BBS2: variants seen among roughly 807,000 people sequenced by gnomAD.
The protein encoded by BBS2 is BBSome complex member BBS2.
In BBS2, 62 loss-of-function variants were observed where a neutral mutation model predicts 83.0. The ratio of observed to expected loss-of-function variants is 0.75; its 90% confidence interval spans 0.61 to 0.92. The LOEUF (loss-of-function observed/expected upper bound fraction) is 0.92, where lower values mean the gene tolerates loss of function less well. Among genes scored for constraint, BBS2 ranks in the 40% least tolerant of loss-of-function variants. The pLI is 0.00. For missense variants in BBS2, 784 were observed against 901.0 expected, an observed-to-expected ratio of 0.87 and a Z score of 1.66; for synonymous variants, 303 against 326.1, an observed-to-expected ratio of 0.93 and a Z score of 0.76.
At chr16:56,479,088 G>A (rs1963594866) in intron 17 of BBS2, 1 of 152,186 alleles carries the variant, frequency 6.6e-6, no homozygotes, top group African/African-American at 2.4e-5. Flanking sequence ...TAAAAGCTAT[G>A]ATGTTCACCT....
intron 15 of BBS2, among the ~76,000 whole-genome samples, chr16:56,493,912 G>C (rs1199182335): frequency 7.2e-5 from 11 of 152,116 alleles, no homozygotes; most frequent in African/African-American, 2.7e-4. Context: ...TTGTGTCTGT[G>C]CTGTAAAATG....
chr16:56,470,944 G>A (rs1963142567), intron 17 of BBS2, among the ~76,000 whole-genome samples: 1 of 152,130 alleles, frequency 6.6e-6, no homozygotes, highest in Non-Finnish European at 1.5e-5. Context: ...TGGTCTTTGG[G>A]AGCTTACATT....
At chr16:56,517,547 C>T (rs1413091374) in intron 1 of BBS2, among the ~76,000 whole-genome samples, 1 of 152,228 alleles carries the variant, frequency 6.6e-6, no homozygotes, top group African/African-American at 2.4e-5. Context: ...AAGCTCCCAT[C>T]ACACTGAATC....
Position 56,519,729 on chromosome 16 carries a change from C to T in BBS2, c.117+17G>A, listed in dbSNP as rs201119943. ...GGTTCCCTGGGGCCCGGGCTCCCTG[C>T]GGGTGGGAGCGGTTACCTTGCCCGT... is the stretch of plus-strand genomic sequence containing the variant. On this transcript the variant is annotated intron_variant, in intron 1 of 16. Transcript: ENST00000245157. 2 of 1,599,142 alleles carry T rather than the reference C, an allele frequency of 1.3e-6. No homozygotes were observed. Among genetic ancestry groups the T allele is most frequent in the African/African-American group, 1.3e-5 (1 of 74,592 alleles).
At chr16:56,483,258 C>T (rs1287268101), downstream of BBS2, among the ~76,000 whole-genome samples, 1 of 152,188 alleles carries the variant, frequency 6.6e-6, no homozygotes, top group Non-Finnish European at 1.5e-5. Flanking sequence ...GTATTATAAT[C>T]TTATGGTGAC....
intron 10 of BBS2, 43 bp from the exon 11 acceptor site, chr16:56,501,068 T>G (rs1378915325): frequency 6.2e-7 from 1 of 1,607,420 alleles, no homozygotes; most frequent in Non-Finnish European, 8.5e-7. Flanking sequence ...ACTCCAACTT[T>G]GGGAAGCTGA....
rs1964568630 is a variant in BBS2 at position 56,511,241 on chromosome 16, T to C, written c.389A>G (p.Asp130Gly). The C allele has an allele frequency of 1.9e-6, 3 of 1,614,052 alleles. No individual in the cohort carries two copies. Among genetic ancestry groups the C allele is most frequent in the Non-Finnish European group, 2.5e-6 (3 of 1,179,970 alleles). Reference protein sequence around the residue: ...ANAIVLGTLGDISSPLAIIGG... With the variant: ...ANAIVLGTLGGISSPLAIIGG... ...AATAATCGCAAGAGGGGAAGAAATG[T>C]CTCCCAATGTCCCCAGCACAATTGC... The change falls in exon 3 of 17, where the codon GAC (aspartate) becomes GGC (glycine). Residue 130 changes from aspartate to glycine, a missense_variant. Transcript: ENST00000245157.
At chr16:56,511,899 T>C (rs1184159571) in intron 2 of BBS2, among the ~76,000 whole-genome samples, 9 of 152,152 alleles carry the variant, frequency 5.9e-5, no homozygotes, top group Non-Finnish European at 1.2e-4. Flanking sequence ...AAAAGACACA[T>C]GCCTAGTGGA....
At chr16:56,495,407 A>G (rs1410090894) in intron 15 of BBS2, among the ~76,000 whole-genome samples, 2 of 152,200 alleles carry the variant, frequency 1.3e-5, no homozygotes, top group Non-Finnish European at 2.9e-5. Context: ...ATTGAATCTA[A>G]TCAAGCCTCC....
chr16:56,496,896 T>C (rs886581291), intron 15 of BBS2, 71 bp downstream of exon 15: 2 of 1,075,918 alleles, frequency 1.9e-6, no homozygotes, highest in Non-Finnish European at 2.9e-6. Context: ...ATTGGTAACA[T>C]CTGAGAGTTG....
intron 1 of BBS2, 132 bp downstream of exon 1, chr16:56,519,614 T>C (rs1398858180): frequency 1.0e-5 from 7 of 702,750 alleles, no homozygotes; most frequent in Middle Eastern, 3.9e-4. Context: ...AGCCACAAGG[T>C]GCTCGCCGAC....
chr16:56,507,194 C>CA (rs1472114851), intron 5 of BBS2, among the ~76,000 whole-genome samples: 1 of 152,118 alleles, frequency 6.6e-6, no homozygotes, highest in East Asian at 1.9e-4. Context: ...GAGCTAGGAG[C>CA]AAAACCTAAC....
At chr16:56,502,639 T>C in intron 8 of BBS2, 34 bp downstream of exon 8, 1 of 1,614,144 alleles carries the variant, frequency 6.2e-7, no homozygotes, top group Non-Finnish European at 8.5e-7. Flanking sequence ...ATGGAAAACG[T>C]GACTTTTTAA....
Position 56,501,347 on chromosome 16 carries a change from T to C in BBS2, c.1225+6A>G, listed in dbSNP as rs2144145043. 6 of 1,613,890 alleles carry C rather than the reference T, an allele frequency of 3.7e-6. No homozygotes were observed. The highest frequency in any genetic ancestry group is 5.1e-6 in the Non-Finnish European group (6 of 1,179,986). On this transcript the variant is annotated splice_donor_region_variant and intron_variant, in intron 10 of 16. Transcript: ENST00000245157. Reference sequence around the variant, plus strand: ...CTCTAAATACCAGCTGTGAGTACTGTCTTACCATTAGAAGTGGAAATGCGT... The same window carrying C: ...CTCTAAATACCAGCTGTGAGTACTGCCTTACCATTAGAAGTGGAAATGCGT...
chr16:56,470,739 A>G (rs756015760), intron 17 of BBS2: 1 of 1,613,580 alleles, frequency 6.2e-7, no homozygotes, highest in Non-Finnish European at 8.5e-7. Flanking sequence ...ACAACAGCCA[A>G]CAGAGCAATG....
intron 11 of BBS2, chr16:56,500,629 A>AC: frequency 2.1e-6 from 1 of 475,160 alleles, no homozygotes; most frequent in Non-Finnish European, 3.8e-6. Flanking sequence ...TGTCTCAAAA[A>AC]AAAAAAAAAA....
intron 15 of BBS2, among the ~76,000 whole-genome samples, chr16:56,493,462 G>A (rs1964022238): frequency 1.3e-5 from 2 of 149,788 alleles, no homozygotes; most frequent in African/African-American, 4.9e-5. Flanking sequence ...AAGACATGAA[G>A]AGGGGTGTGT....
chr16:56,478,549 A>G (rs1963577162), intron 17 of BBS2: 1 of 152,204 alleles, frequency 6.6e-6, no homozygotes, highest in African/African-American at 2.4e-5. Flanking sequence ...TGTCAGTGGC[A>G]TAACTTCAGG....
In BBS2 at chr16:56,470,527, T is replaced by C. The variant is rs774583609; in HGVS notation, c.*169A>G. ...TGAGGAGAGTAAGCTTCCTGAGATA[T>C]TGAAGGAGTGCATGAAGTTATTTCG... On this transcript the variant is annotated 3_prime_UTR_variant, in exon 18 of 18. Transcript: ENST00000682047. 6.8e-6 allele frequency: 11 copies of C among 1,613,844 alleles called. No individual in the cohort carries two copies. The East Asian group carries it at 1.1e-4, about 16-fold the overall frequency.
Sources: gnomAD v4.1 joint callset for allele counts (sites outside exome capture counted in the v4.1 genomes callset) on GRCh38, gnomAD v4.1.1 for gene constraint, MANE v1.5 for transcripts, NCBI Gene and HGNC (gene_info 2026-07-23, HGNC 2026-07-21) for gene names.